SMARCA2: variants seen among roughly 807,000 people sequenced by gnomAD.
SMARCA2 encodes SWI/SNF-related matrix-associated actin-dependent regulator of chromatin subfamily A member 2.
In SMARCA2, 61 loss-of-function variants were observed where a neutral mutation model predicts 199.8. The ratio of observed to expected loss-of-function variants is 0.31; its 90% CI spans 0.25 to 0.38. SMARCA2 has a LOEUF of 0.38. Among genes scored for constraint, SMARCA2 ranks in the 10% least tolerant of loss-of-function variants. The pLI is 1.00. For synonymous variants in SMARCA2, 935 were observed against 732.0 expected, an observed-to-expected ratio of 1.28 and a Z score of -4.48; for missense variants, 1,344 against 2,012.2, an observed-to-expected ratio of 0.67 and a Z score of 6.35.
chr9:2,116,104 A>G, intron 25 of SMARCA2, 55 bp downstream of exon 25: 1 of 1,309,800 alleles, frequency 7.6e-7, no homozygotes, highest in South Asian at 1.2e-5. Flanking sequence ...TTGTCTCTGA[A>G]GGACTCAGAA....
chr9:2,175,102 G>A (rs745686463), intron 29 of SMARCA2, among the ~76,000 whole-genome samples: 1 of 151,936 alleles, frequency 6.6e-6, no homozygotes, highest in African/African-American at 2.4e-5. Flanking sequence ...AGAAATGGCC[G>A]GCTGAGGAAG....
Position 2,061,042 on chromosome 9 carries a change from T to G in SMARCA2, c.1692+56T>G, listed in dbSNP as rs993101033. Reference sequence around the variant, plus strand: ...AGGGTGTATGGGCAGGGATAAGTTTTTAAGGCGAGTATTGCTCTTTAAGTA... The same window carrying G: ...AGGGTGTATGGGCAGGGATAAGTTTGTAAGGCGAGTATTGCTCTTTAAGTA... On this transcript the variant is annotated intron_variant, in intron 9 of 33. Transcript: ENST00000349721. 3.3e-6 allele frequency: 5 copies of G among 1,525,502 alleles called. No homozygotes were observed. In the Admixed American group the frequency reaches 7.6e-5, roughly 23 times the overall value. 94.5% of individuals were successfully genotyped at this position (1,525,502 alleles called of 1,614,324 possible).
intron 27 of SMARCA2, among the ~76,000 whole-genome samples, chr9:2,156,454 A>G (rs7865326): frequency 0.2 from 16,010 of 80,530 alleles, 1,067 homozygotes; most frequent in Admixed American, 0.28. Context: ...TTTGAGGCAG[A>G]GTTTTGCTCT....
At chr9:2,070,348 G>T in intron 9 of SMARCA2, 70 bp from the exon 10 acceptor site, 1 of 1,228,254 alleles carries the variant, frequency 8.1e-7, no homozygotes, top group South Asian at 1.2e-5. Flanking sequence ...TTACATACCG[G>T]AGAGTTACCA....
intron 4 of SMARCA2, chr9:2,041,140 A>C (rs747193197): frequency 2.3e-5 from 9 of 387,498 alleles, no homozygotes; most frequent in Non-Finnish European, 1.8e-5. Flanking sequence ...TTTTTCATTA[A>C]TATTCTGCCT....
chr9:2,121,039 A>G (rs563940959), intron 26 of SMARCA2, among the ~76,000 whole-genome samples: 1 of 152,304 alleles, frequency 6.6e-6, no homozygotes, highest in East Asian at 1.9e-4. Context: ...TCAGCTGATC[A>G]CTGTTAGGCA....
chr9:2,149,808 A>G (rs1049090568), intron 27 of SMARCA2, among the ~76,000 whole-genome samples: 3 of 151,632 alleles, frequency 2.0e-5, no homozygotes, highest in African/African-American at 4.8e-5. Flanking sequence ...TGCCACATAT[A>G]TGTAGCTCTT....
intron 23 of SMARCA2, among the ~76,000 whole-genome samples, chr9:2,107,733 T>C (rs1347652346): frequency 6.6e-6 from 1 of 152,222 alleles, no homozygotes; most frequent in Admixed American, 6.5e-5. Flanking sequence ...CTTTTGTTTT[T>C]CAGTGCTTTA....
chr9:2,052,800 T>C (rs1028146213), intron 5 of SMARCA2, among the ~76,000 whole-genome samples: 4 of 152,170 alleles, frequency 2.6e-5, no homozygotes, highest in African/African-American at 9.7e-5. Flanking sequence ...TTTCACTTTT[T>C]CACGTTAATG....
rs145788668 is a variant in SMARCA2, at chr9:2,061,603, G to C, written c.1692+617G>C. Among the ~76,000 whole-genome samples the C allele has an allele frequency of 7.1e-3, 1,089 of 152,312 alleles. 13 individuals carry two copies. Among genetic ancestry groups the C allele is most frequent in the African/African-American group, 0.025 (1,057 of 41,558 alleles). On this transcript the variant is annotated intron_variant, in intron 9 of 33. Transcript: ENST00000349721. The stretch of plus-strand genomic sequence containing the variant: ...GCAGCTATTATATCTCAATTCAAGA[G>C]TAACCTGCTGAGGATAGGCCTGTGA...
intron 26 of SMARCA2, among the ~76,000 whole-genome samples, chr9:2,121,336 T>G (rs1823451121): frequency 6.6e-6 from 1 of 152,236 alleles, no homozygotes; most frequent in South Asian, 2.1e-4. Context: ...AGGGAACACT[T>G]TTTGTAGGCA....
chr9:2,182,474 T>C (rs1017671994), intron 31 of SMARCA2, among the ~76,000 whole-genome samples: 9 of 136,460 alleles, frequency 6.6e-5, no homozygotes, highest in Non-Finnish European at 1.2e-4. Context: ...TCAAAGCTTA[T>C]AGTCTTTTTT....
chr9:2,143,038 G>T (rs7048826), intron 27 of SMARCA2, among the ~76,000 whole-genome samples: 1 of 151,860 alleles, frequency 6.6e-6, no homozygotes, highest in Non-Finnish European at 1.5e-5. Context: ...TAAAACAAAA[G>T]AAACTTATAC....
rs1295305173 is a variant in SMARCA2 at position 2,039,418 on chromosome 9, C to T, written c.356-48C>T. ...AGAGTATTCAGGGATATCTCTCTTT[C>T]AGGGTTGTCAGGGGCAGCCTGTGAT... On this transcript the variant is annotated intron_variant, in intron 3 of 33. Coordinates refer to ENST00000349721, the MANE Select transcript of SMARCA2 (RefSeq NM_003070.5). This position sits in a 1 kb window ranked among gnomAD's most constrained non-coding sequence, Gnocchi z 4.8. 6.4e-7 allele frequency: 1 copy of T among 1,571,386 alleles called. No homozygotes were observed. The highest frequency in any genetic ancestry group is 1.2e-5 in the South Asian group (1 of 85,526).
At chr9:2,186,326 A>G (rs1182790277) in intron 32 of SMARCA2, 98 bp downstream of exon 32, 1 of 1,297,318 alleles carries the variant, frequency 7.7e-7, no homozygotes, top group Non-Finnish European at 1.1e-6. Context: ...AGTGGGGCAG[A>G]TCTGGATTGG....
intron 27 of SMARCA2, among the ~76,000 whole-genome samples, chr9:2,145,577 A>G (rs887820031): frequency 3.3e-5 from 5 of 152,180 alleles, no homozygotes; most frequent in Admixed American, 3.3e-4. Flanking sequence ...TGGGTGAAGT[A>G]GGGAAGATGC....
rs116749428 is a variant in SMARCA2 at position 2,035,685 on chromosome 9, C to G, written c.355+2604C>G. On this transcript the variant is annotated intron_variant, in intron 3 of 33. Coordinates refer to ENST00000349721, the MANE Select transcript of SMARCA2 (RefSeq NM_003070.5). ...GGAAGTTTGTGTATTAAAGAGTCAACAGTTTAAAATGATCTCAACTTTTAT... is the reference window on the plus strand; with the variant it reads ...GGAAGTTTGTGTATTAAAGAGTCAAGAGTTTAAAATGATCTCAACTTTTAT... Among the ~76,000 whole-genome samples the G allele has an allele frequency of 7.9e-3, 1,196 of 152,138 alleles. 15 individuals carry two copies. The highest frequency in any genetic ancestry group is 0.027 in the African/African-American group (1,119 of 41,482).
At chr9:2,055,138 A>T (rs1250514721) in intron 6 of SMARCA2, among the ~76,000 whole-genome samples, 1 of 152,262 alleles carries the variant, frequency 6.6e-6, no homozygotes, top group African/African-American at 2.4e-5. Context: ...TAATTTTAAC[A>T]AATATGGTAG....
rs1819465465 is a variant in SMARCA2, at chr9:2,039,193, T to C, written c.356-273T>C. Reference sequence around the variant, plus strand: ...ACATTTTAAAATGATGTTTTGGGTATGTTGGTTTAAGTAAAATACATTTAA... The same window carrying C: ...ACATTTTAAAATGATGTTTTGGGTACGTTGGTTTAAGTAAAATACATTTAA... On this transcript the variant is annotated intron_variant, in intron 3 of 33. Transcript: ENST00000349721. This position sits in a 1 kb window ranked among gnomAD's most constrained non-coding sequence, Gnocchi z 4.8. 6.6e-6 allele frequency among the ~76,000 whole-genome samples: 1 copy of C among 152,118 alleles called. No homozygotes were observed. The highest frequency in any genetic ancestry group is 2.1e-4 in the South Asian group (1 of 4,830).
Sources: gnomAD v4.1 joint callset for allele counts (sites outside exome capture counted in the v4.1 genomes callset) on GRCh38, gnomAD v4.1.1 for gene constraint, Gnocchi (gnomAD v3.1) non-coding constraint, MANE v1.5 for transcripts, NCBI Gene and HGNC (gene_info 2026-07-23, HGNC 2026-07-21) for gene names.